Variants in CD1D observed in about 807,000 individuals in gnomAD.
The protein encoded by CD1D is antigen-presenting glycoprotein CD1d.
A neutral mutation model predicts 42.1 loss-of-function variants in CD1D; 40 were observed. That is an observed-to-expected ratio of 0.95 (90% CI 0.74 to 1.24). CD1D has a LOEUF of 1.24. Ranked by LOEUF, CD1D falls within the 50% of genes most tolerant of loss-of-function variation. CD1D has a pLI of 0.00. For missense variants in CD1D, 437 were observed against 416.5 expected, an observed-to-expected ratio of 1.05 and a Z score of -0.43; for synonymous variants, 178 against 171.8, an observed-to-expected ratio of 1.04 and a Z score of -0.28.
chr1:158,180,871 G>T (rs1352283314), upstream of CD1D: 2 of 432,048 alleles, frequency 4.6e-6, no homozygotes, highest in Non-Finnish European at 8.2e-6. Context: ...GCGGCGCCAG[G>T]ATTCCTGGGA....
chr1:158,184,103 G>C, intron 5 of CD1D, 26 bp from the exon 6 acceptor site: 1 of 1,613,872 alleles, frequency 6.2e-7, no homozygotes, highest in South Asian at 1.1e-5. Context: ...TTCCTTAATG[G>C]TCTTTCCCTT....
rs1648615232 is a variant in CD1D at position 158,184,368 on chromosome 1, G to A, written c.*218G>A. The A allele has an allele frequency of 3.4e-6, 2 of 595,482 alleles. No homozygotes were observed. The highest frequency in any genetic ancestry group is 2.1e-5 in the South Asian group (1 of 48,334). The allele number at this position is 595,482 out of a possible 1,614,324, so 36.9% of individuals were successfully genotyped here. A position where few individuals can be genotyped will look rare whatever the true frequency, so the allele number is the denominator to read the frequency against. ...TTCTTTTTCAAAAATTACACTACAA[G>A]TTTATAAGCCCAAATGGCTCTGTGA... On this transcript the variant is annotated 3_prime_UTR_variant, in exon 6 of 6. Coordinates refer to ENST00000674085, the MANE Select transcript of CD1D (RefSeq NM_001371762.2).
Position 158,181,063 on chromosome 1 carries a change from C to T in CD1D, c.-39C>T, listed in dbSNP as rs559169805. On this transcript the variant is annotated 5_prime_UTR_variant, in exon 1 of 6. Coordinates refer to ENST00000674085, the MANE Select transcript of CD1D (RefSeq NM_001371762.2). ...GAAGAGTGCGCAGGTCAGAGGGCGG[C>T]GCGCAGCGGCGCTCCGCGAGGTCCC... The T allele has an allele frequency of 4.6e-6, 7 of 1,511,922 alleles. No homozygotes were observed. In the South Asian group the frequency reaches 5.2e-5, roughly 11 times the overall value. 93.7% of individuals were successfully genotyped at this position (1,511,922 alleles called of 1,614,324 possible). A position where few individuals can be genotyped will look rare whatever the true frequency, so the allele number is the denominator to read the frequency against.
chr1:158,178,291 T>C (rs1648250951), upstream of CD1D, among the ~76,000 whole-genome samples: 1 of 152,236 alleles, frequency 6.6e-6, no homozygotes, highest in Admixed American at 6.5e-5. Context: ...CTTTGAATTG[T>C]TTGATTTTGA....
chr1:158,181,086 C>G lies in CD1D; in HGVS notation c.-16C>G. On this transcript the variant is annotated 5_prime_UTR_variant, in exon 1 of 6. Transcript: ENST00000674085. Reference sequence around the variant, plus strand: ...GGCGCGCAGCGGCGCTCCGCGAGGTCCCCACGCCGGGCGATATGGGGTGCC... The same window carrying G: ...GGCGCGCAGCGGCGCTCCGCGAGGTGCCCACGCCGGGCGATATGGGGTGCC... 6.5e-7 allele frequency: 1 copy of G among 1,542,752 alleles called. No homozygotes were observed. Among genetic ancestry groups the G allele is most frequent in the Admixed American group, 2.0e-5 (1 of 50,222 alleles).
In CD1D at chr1:158,185,248, A is replaced by G. The variant is rs993311116; in HGVS notation, c.*1098A>G. 6.6e-6 allele frequency among the ~76,000 whole-genome samples: 1 copy of G among 152,184 alleles called. No individual in the cohort carries two copies. The highest frequency in any genetic ancestry group is 2.4e-5 in the African/African-American group (1 of 41,452). On this transcript the variant is annotated 3_prime_UTR_variant, in exon 6 of 6. Transcript: ENST00000674085. ...ATCATGTTTGCCTAGCTGGGAGGTA[A>G]ATCTCTTGGCAGTCAGGGTCCCTGA...
Position 158,185,698 on chromosome 1 carries a change from T to C in CD1D, c.*1548T>C, listed in dbSNP as rs1339206885. On this transcript the variant is annotated 3_prime_UTR_variant, in exon 6 of 6. Transcript: ENST00000674085. Reference sequence around the variant, plus strand: ...GAGACCCTGTCTTAAAAAAAAATTATGCTAGCTTTTAAATCAATGGTTCCC... The same window carrying C: ...GAGACCCTGTCTTAAAAAAAAATTACGCTAGCTTTTAAATCAATGGTTCCC... Among the ~76,000 whole-genome samples the C allele has an allele frequency of 2.6e-5, 4 of 152,100 alleles. No homozygotes were observed. Among genetic ancestry groups the C allele is most frequent in the Admixed American group, 1.3e-4 (2 of 15,266 alleles).
chr1:158,181,788 G>A (rs957305382), intron 2 of CD1D, 67 bp downstream of exon 2: 48 of 1,567,964 alleles, frequency 3.1e-5, no homozygotes, highest in Middle Eastern at 3.4e-4. Context: ...AACTCAACTG[G>A]GAGACTGTGG....
chr1:158,182,175 T>C lies in CD1D; in HGVS notation c.472T>C (p.Trp158Arg). The C allele has an allele frequency of 1.2e-6, 2 of 1,614,158 alleles. No individual in the cohort carries two copies. The highest frequency in any genetic ancestry group is 4.5e-5 in the East Asian group (2 of 44,870). Residue 158 changes from tryptophan to arginine, a missense_variant, in exon 3 of 6, where the codon TGG becomes CGG. Coordinates refer to ENST00000674085, the MANE Select transcript of CD1D (RefSeq NM_001371762.2). ...GGAGCCAACCCAAGAGGCCCCACTT[T>C]GGGTAAACTTGGCCATTCAAGTGCT... is the stretch of plus-strand genomic sequence containing the variant. ...SWEPTQEAPL[W>R]VNLAIQVLNQ... is the part of the protein sequence containing the mutation.
chr1:158,182,559 G>T, intron 3 of CD1D: 1 of 600,214 alleles, frequency 1.7e-6, no homozygotes, highest in Middle Eastern at 3.1e-4. Context: ...TTGGTAGGGG[G>T]ATGTTAATTA....
chr1:158,182,219 G>A lies in CD1D; in HGVS notation c.516G>A (p.Thr172=). 1.2e-6 allele frequency: 2 copies of A among 1,614,184 alleles called. No homozygotes were observed. Among genetic ancestry groups the A allele is most frequent in the Non-Finnish European group, 1.7e-6 (2 of 1,180,020 alleles). Residue 172 remains threonine (T), a synonymous_variant, in exon 3 of 6, where the codon ACG becomes ACA. Transcript: ENST00000674085. ...AAGTGCTCAACCAGGACAAGTGGAC[G>A]AGGGAAACAGTGCAGTGGCTCCTTA... is the stretch of plus-strand genomic sequence containing the variant. ...AIQVLNQDKW[T]RETVQWLLNG...
chr1:158,180,954 G>T lies in CD1D; in HGVS notation c.-148G>T. ...GGCAGAAGCAGCAAACCGCCGGCAA[G>T]CCCAGCGAGGAGGGCTGCCGGGGTC... On this transcript the variant is annotated 5_prime_UTR_variant, in exon 1 of 6. Coordinates refer to ENST00000674085, the MANE Select transcript of CD1D (RefSeq NM_001371762.2). The T allele has an allele frequency of 1.5e-6, 1 of 659,116 alleles. No homozygotes were observed. Among genetic ancestry groups the T allele is most frequent in the Non-Finnish European group, 2.3e-6 (1 of 428,404 alleles). 40.8% of individuals were successfully genotyped at this position (659,116 alleles called of 1,614,324 possible). A position where few individuals can be genotyped will look rare whatever the true frequency, so the allele number is the denominator to read the frequency against.
intron 1 of CD1D, 68 bp downstream of exon 1, chr1:158,181,230 G>T: frequency 6.6e-7 from 1 of 1,515,608 alleles, no homozygotes; most frequent in South Asian, 1.2e-5. Context: ...GTAGGGACGG[G>T]GAGGGCAACG....
In CD1D at chr1:158,181,065, C is replaced by T; in HGVS notation, c.-37C>T. ...AGAGTGCGCAGGTCAGAGGGCGGCGCGCAGCGGCGCTCCGCGAGGTCCCCA... is the reference window on the plus strand; with the variant it reads ...AGAGTGCGCAGGTCAGAGGGCGGCGTGCAGCGGCGCTCCGCGAGGTCCCCA... On this transcript the variant is annotated 5_prime_UTR_variant, in exon 1 of 6. Coordinates refer to ENST00000674085, the MANE Select transcript of CD1D (RefSeq NM_001371762.2). The T allele has an allele frequency of 6.6e-7, 1 of 1,521,462 alleles. No individual in the cohort carries two copies. Among genetic ancestry groups the T allele is most frequent in the Non-Finnish European group, 8.8e-7 (1 of 1,133,810 alleles). The allele number at this position is 1,521,462 out of a possible 1,614,324, so 94.2% of individuals were successfully genotyped here.
At chr1:158,182,705 G>C (rs1648503153) in intron 3 of CD1D, among the ~76,000 whole-genome samples, 173 bp from the exon 4 acceptor site, 1 of 152,138 alleles carries the variant, frequency 6.6e-6, no homozygotes, top group East Asian at 1.9e-4. Context: ...GAAGAAGGTG[G>C]GACAAATGGA....
In CD1D at chr1:158,184,016, TC is replaced by T. The variant is rs1222533414; in HGVS notation, c.970del (p.Arg324GlyfsTer32). 2 of 1,614,136 alleles carry T rather than the reference TC, an allele frequency of 1.2e-6. No homozygotes were observed. Among genetic ancestry groups the T allele is most frequent in the East Asian group, 4.5e-5 (2 of 44,878 alleles). On this transcript the variant is annotated frameshift_variant, in exon 5 of 6. Coordinates refer to ENST00000674085, the MANE Select transcript of CD1D (RefSeq NM_001371762.2). LOFTEE classifies it low-confidence loss of function (END_TRUNC). The stretch of plus-strand genomic sequence containing the variant: ...GTTCCTCCTCATTGTGGGCTTTACC[TC>T]CCGGTTTAAGAGGCAAACGTAAGTC... ...LLFLLIVGFT[S>X]RFKRQTSYQG...
At position 158,182,196 on chromosome 1, in the gene CD1D, G is replaced by C; in HGVS notation, c.493G>C (p.Val165Leu). The C allele has an allele frequency of 6.2e-7, 1 of 1,614,184 alleles. No individual in the cohort carries two copies. Among genetic ancestry groups the C allele is most frequent in the African/African-American group, 1.3e-5 (1 of 75,048 alleles). ...ACTTTGGGTAAACTTGGCCATTCAAGTGCTCAACCAGGACAAGTGGACGAG... is the reference window on the plus strand; with the variant it reads ...ACTTTGGGTAAACTTGGCCATTCAACTGCTCAACCAGGACAAGTGGACGAG... ...APLWVNLAIQVLNQDKWTRET... is the reference protein window; with the variant it reads ...APLWVNLAIQLLNQDKWTRET... Residue 165 changes from valine (V) to leucine (L), a missense_variant, in exon 3 of 6, where the codon GTG (valine) becomes CTG (leucine). Val to Leu is a conservative substitution (Grantham distance 32). Coordinates refer to ENST00000674085, the MANE Select transcript of CD1D (RefSeq NM_001371762.2).
In CD1D at chr1:158,183,008, G is replaced by A. The variant is rs144037659; in HGVS notation, c.738G>A (p.Gln246=). 224 of 1,614,062 alleles carry A rather than the reference G, an allele frequency of 1.4e-4. 3 individuals are homozygous for A. The African/African-American group carries it at 2.6e-3, about 19-fold the overall frequency. The change falls in exon 4 of 6, where the codon CAG becomes CAA. Residue 246 remains glutamine, a synonymous_variant. Transcript: ENST00000674085. The part of the protein sequence containing the change: ...VKWMRGEQEQ[Q]GTQPGDILPN... ...GGATGCGGGGTGAGCAGGAGCAGCA[G>A]GGCACTCAGCCAGGGGACATCCTGC... is the stretch of plus-strand genomic sequence containing the variant.
chr1:158,180,379 C>CA (rs1452821810), upstream of CD1D, among the ~76,000 whole-genome samples: 1 of 151,764 alleles, frequency 6.6e-6, no homozygotes, highest in East Asian at 1.9e-4. Flanking sequence ...GGCGCGTCCC[C>CA]AAAAAGGAGA....
Sources: gnomAD v4.1 joint callset for allele counts (sites outside exome capture counted in the v4.1 genomes callset) on GRCh38, gnomAD v4.1.1 for gene constraint, MANE v1.5 for transcripts, NCBI Gene and HGNC (gene_info 2026-07-23, HGNC 2026-07-21) for gene names.